The following NUMB variants were observed in gnomAD, a reference collection of about 807,000 sequenced individuals.
NUMB encodes the protein NUMB endocytic adaptor protein.
A neutral mutation model predicts 59.7 loss-of-function variants in NUMB; 29 were observed. That is an observed-to-expected ratio of 0.49 (90% CI 0.36 to 0.66). The LOEUF is 0.66. Among genes scored for constraint, NUMB ranks in the 30% least tolerant of loss-of-function variants. The pLI is 0.00. For synonymous variants in NUMB, 288 were observed against 288.2 expected (o/e 1.00, Z 0.01); for missense variants, 723 against 822.0 (o/e 0.88, Z 1.47).
At chr14:73,370,370 T>C (rs1315445267) in intron 2 of NUMB, among the ~76,000 whole-genome samples, 1 of 152,190 alleles carries the variant, frequency 6.6e-6, no homozygotes. Context: ...GAGGTTACTA[T>C]GCAATGACAG....
At chr14:73,452,753 TAAG>T (rs1454900658) in intron 1 of NUMB, among the ~76,000 whole-genome samples, 1 of 152,210 alleles carries the variant, frequency 6.6e-6, no homozygotes, top group Non-Finnish European at 1.5e-5. Flanking sequence ...GAAGCAGAGA[TAAG>T]AAGAGCCTTC....
chr14:73,410,756 C>T (rs550048745), intron 1 of NUMB, among the ~76,000 whole-genome samples: 29 of 152,220 alleles, frequency 1.9e-4, no homozygotes, highest in African/African-American at 7.0e-4. Flanking sequence ...TTTAGAAATT[C>T]TAGTGTCTGT....
intron 2 of NUMB, among the ~76,000 whole-genome samples, chr14:73,399,657 G>C (rs1896314840): frequency 1.3e-5 from 2 of 152,194 alleles, no homozygotes; most frequent in South Asian, 4.1e-4. Flanking sequence ...GCTAAACTAG[G>C]AGGACTGCTT....
At chr14:73,342,119 A>ATATATTGG (rs1892667839) in intron 4 of NUMB, among the ~76,000 whole-genome samples, 1 of 152,194 alleles carries the variant, frequency 6.6e-6, no homozygotes, top group Non-Finnish European at 1.5e-5. Flanking sequence ...CTGGTCTCAA[A>ATATATTGG]CCCCTGGGCC....
rs55831976 is a variant in NUMB at position 73,390,638 on chromosome 14, CTTTTTTTTTTTTTTTTTTTTT to C, written c.-101+19278_-101+19298del. Reference sequence around the variant, plus strand: ...ATTTCCTTGAGGACAAAAACAAAGTCTTTTTTTTTTTTTTTTTTTTTTTTTTTTTTTGAGACAGTCTTGCTC... The same window carrying C: ...ATTTCCTTGAGGACAAAAACAAAGTCTTTTTTTTTTGAGACAGTCTTGCTC... On this transcript the variant is annotated intron_variant, in intron 2 of 12. Coordinates refer to ENST00000555238, the MANE Select transcript of NUMB (RefSeq NM_001005743.2). Among the ~76,000 whole-genome samples the C allele has an allele frequency of 1.0e-4, 4 of 39,384 alleles. No homozygotes were observed. The Admixed American group carries it at 1.5e-3, about 15-fold the overall frequency. 25.8% of individuals were successfully genotyped at this position (39,384 alleles called of 152,430 possible).
At chr14:73,345,336 G>A (rs1892853694) in intron 4 of NUMB, among the ~76,000 whole-genome samples, 1 of 152,098 alleles carries the variant, frequency 6.6e-6, no homozygotes, top group African/African-American at 2.4e-5. Flanking sequence ...ACAGACTCCG[G>A]AGCCTACTTG....
chr14:73,292,910 A>T (rs1005053979), intron 7 of NUMB, 36 bp from the exon 8 acceptor site: 3 of 1,609,534 alleles, frequency 1.9e-6, no homozygotes, highest in African/African-American at 1.3e-5. Flanking sequence ...GAGAAGACTT[A>T]TGAGGTTATC....
At chr14:73,322,402 A>G (rs1891451742) in intron 5 of NUMB, among the ~76,000 whole-genome samples, 1 of 152,238 alleles carries the variant, frequency 6.6e-6, no homozygotes, top group African/African-American at 2.4e-5. Flanking sequence ...ATCCTGGGAA[A>G]GGGCTCTCTA....
At chr14:73,321,842 T>C (rs1179270002) in intron 5 of NUMB, among the ~76,000 whole-genome samples, 1 of 152,202 alleles carries the variant, frequency 6.6e-6, no homozygotes, top group Admixed American at 6.5e-5. Flanking sequence ...GGTATGTCTG[T>C]ATCTTTTTTT....
chr14:73,445,354 CAAAAAAAAAAAAAAAAAAA>C lies in NUMB; in HGVS notation c.-233+13120_-233+13138del, dbSNP rs752154048. ...TGAGTGACAAAGTGAGACCCTGTCT[CAAAAAAAAAAAAAAAAAAA>C]AAAAAAAAAAAAAAAAAAAAAAACT... is the stretch of plus-strand genomic sequence containing the variant. On this transcript the variant is annotated intron_variant, in intron 1 of 12. Coordinates refer to ENST00000555238, the MANE Select transcript of NUMB (RefSeq NM_001005743.2). 3.7e-3 allele frequency among the ~76,000 whole-genome samples: 213 copies of C among 57,548 alleles called. 1 individual carries two copies. Among genetic ancestry groups the C allele is most frequent in the African/African-American group, 0.01 (168 of 16,496 alleles). The allele number at this position is 57,548 out of a possible 152,430, so 37.8% of individuals were successfully genotyped here.
chr14:73,445,834 C>CTA (rs1011050022), intron 1 of NUMB, among the ~76,000 whole-genome samples: 4 of 152,130 alleles, frequency 2.6e-5, no homozygotes, highest in African/African-American at 9.7e-5. Context: ...ATACCACCTC[C>CTA]TATTAGTTCA....
intron 1 of NUMB, among the ~76,000 whole-genome samples, chr14:73,445,999 C>CT (rs746539232): frequency 0.089 from 12,412 of 139,800 alleles, 813 homozygotes; most frequent in African/African-American, 0.18. Context: ...ATAACTTTTT[C>CT]TTTTTTTTTT....
At chr14:73,358,674 G>A (rs1354064394) in intron 3 of NUMB, among the ~76,000 whole-genome samples, 7 of 144,400 alleles carry the variant, frequency 4.8e-5, no homozygotes, top group East Asian at 2.0e-4. Context: ...CATATAATTC[G>A]GATTAATACC....
intron 1 of NUMB, among the ~76,000 whole-genome samples, chr14:73,444,789 G>A (rs371568909): frequency 1.2e-4 from 18 of 150,786 alleles, no homozygotes; most frequent in Middle Eastern, 3.4e-3. Flanking sequence ...CCCAGGAGGC[G>A]GAGGTTGCAG....
In NUMB at chr14:73,302,197, ATC is replaced by A. The variant is rs371069728; in HGVS notation, c.235-4914_235-4913del. Among the ~76,000 whole-genome samples the A allele has an allele frequency of 4.1e-4, 62 of 152,326 alleles. 1 individual carries two copies. The highest frequency in any genetic ancestry group is 1.4e-3 in the African/African-American group (60 of 41,584). On this transcript the variant is annotated intron_variant, in intron 6 of 12. Coordinates refer to ENST00000555238, the MANE Select transcript of NUMB (RefSeq NM_001005743.2). Reference sequence around the variant, plus strand: ...TATTTGTCATATTTCATGGCCTCTGATCTCTCTGAAGAGGGGAAGAAAACAGA... The same window carrying A: ...TATTTGTCATATTTCATGGCCTCTGATCTCTGAAGAGGGGAAGAAAACAGA...
chr14:73,288,281 G>A (rs1158582670), intron 8 of NUMB, among the ~76,000 whole-genome samples: 1 of 152,078 alleles, frequency 6.6e-6, no homozygotes, highest in East Asian at 1.9e-4. Flanking sequence ...GGCCAGGTGC[G>A]ATGGCTCACA....
chr14:73,421,238 G>A, intron 1 of NUMB, among the ~76,000 whole-genome samples: 1 of 151,950 alleles, frequency 6.6e-6, no homozygotes, highest in Non-Finnish European at 1.5e-5. Flanking sequence ...AGGCTGGAGT[G>A]CAGTGGTGCA....
chr14:73,405,435 CTTTTTTTTTTT>C (rs56778084), intron 2 of NUMB, among the ~76,000 whole-genome samples: 1 of 127,432 alleles, frequency 7.8e-6, no homozygotes, highest in Non-Finnish European at 1.6e-5. Flanking sequence ...TTTTCTTTCT[CTTTTTTTTTTT>C]TTTTTTTTTT....
intron 7 of NUMB, among the ~76,000 whole-genome samples, chr14:73,296,162 G>A (rs1429650476): frequency 6.6e-6 from 1 of 152,070 alleles, no homozygotes; most frequent in East Asian, 1.9e-4. Flanking sequence ...ACAAAAATAG[G>A]CCACGAGCGG....
Sources: gnomAD v4.1 joint callset for allele counts (sites outside exome capture counted in the v4.1 genomes callset) on GRCh38, gnomAD v4.1.1 for gene constraint, MANE v1.5 for transcripts, NCBI Gene and HGNC (gene_info 2026-07-23, HGNC 2026-07-21) for gene names.